Variants in TMBIM4 observed in about 807,000 individuals in gnomAD.
TMBIM4 encodes the protein transmembrane BAX inhibitor motif containing 4.
A neutral mutation model predicts 27.7 loss-of-function variants in TMBIM4; 28 were observed. That is an observed-to-expected ratio of 1.01 (90% CI 0.75 to 1.38). The LOEUF is 1.38. Ranked by LOEUF, TMBIM4 falls within the 40% of genes most tolerant of loss-of-function variation. TMBIM4 has a pLI of 0.00. For synonymous variants in TMBIM4, 115 were observed against 113.1 expected (o/e 1.02, Z -0.11); for missense variants, 265 against 277.5 (o/e 0.95, Z 0.32).
intron 1 of TMBIM4, among the ~76,000 whole-genome samples, chr12:66,161,991 G>A (rs1287155351): frequency 1.3e-5 from 2 of 151,922 alleles, no homozygotes; most frequent in Non-Finnish European, 2.9e-5. Flanking sequence ...GCTTCTCTAC[G>A]TTGCTGTCAA....
At chr12:66,164,439 C>T (rs2052093116) in intron 1 of TMBIM4, among the ~76,000 whole-genome samples, 1 of 152,146 alleles carries the variant, frequency 6.6e-6, no homozygotes, top group South Asian at 2.1e-4. Flanking sequence ...AGGAAGACAA[C>T]ATCAAGGTTG....
chr12:66,160,937 C>T (rs1192798016), intron 1 of TMBIM4, among the ~76,000 whole-genome samples: 5 of 151,370 alleles, frequency 3.3e-5, no homozygotes, highest in East Asian at 2.0e-4. Context: ...CGGGCAGAGG[C>T]GCTGCTCACT....
chr12:66,166,288 A>C (rs745936009), intron 1 of TMBIM4, among the ~76,000 whole-genome samples: 34 of 151,898 alleles, frequency 2.2e-4, no homozygotes, highest in Non-Finnish European at 4.9e-4. Context: ...AACATGACGA[A>C]ACCTGTCTCT....
chr12:66,164,813 A>G (rs2052098738), intron 1 of TMBIM4, among the ~76,000 whole-genome samples: 2 of 152,252 alleles, frequency 1.3e-5, no homozygotes, highest in Non-Finnish European at 2.9e-5. Flanking sequence ...CTCTGTTCAC[A>G]AACATGACCT....
At chr12:66,138,923 G>C in intron 5 of TMBIM4, 154 bp from the exon 6 acceptor site, 1 of 1,087,788 alleles carries the variant, frequency 9.2e-7, no homozygotes, top group East Asian at 3.4e-5. Context: ...TGAATATAAT[G>C]CCCATCTTGG....
chr12:66,149,415 A>G (rs796450561), intron 3 of TMBIM4, among the ~76,000 whole-genome samples: 12 of 146,434 alleles, frequency 8.2e-5, no homozygotes, highest in African/African-American at 2.7e-4. Context: ...ACTGCACTCC[A>G]GCCTGGGTGA....
At chr12:66,145,562 TTAA>T (rs2051737152) in intron 5 of TMBIM4, among the ~76,000 whole-genome samples, 1 of 152,088 alleles carries the variant, frequency 6.6e-6, no homozygotes, top group South Asian at 2.1e-4. Context: ...TTCCATAATG[TTAA>T]TAAAGCATAC....
At chr12:66,156,613 TTAAA>T (rs547687902) in intron 1 of TMBIM4, among the ~76,000 whole-genome samples, 30 of 152,208 alleles carry the variant, frequency 2.0e-4, no homozygotes, top group Non-Finnish European at 4.0e-4. Flanking sequence ...GTGACTCTGC[TTAAA>T]TACTTAAATA....
chr12:66,138,016 T>C lies in TMBIM4; in HGVS notation c.661A>G (p.Ile221Val). ...VLAAISLYLD[I>V]INLFLHLLRF... ...AACAGGTGCAGGAATAGATTGATGATATCCAAGTAGAGGCTGATGGCAGCT... is the reference window on the plus strand; with the variant it reads ...AACAGGTGCAGGAATAGATTGATGACATCCAAGTAGAGGCTGATGGCAGCT... The change falls in exon 7 of 7, where the codon ATC (isoleucine) becomes GTC (valine). Residue 221 changes from isoleucine (I) to valine (V), a missense_variant. By Grantham distance (29) the Ile-to-Val change is conservative. Coordinates refer to ENST00000358230, the MANE Select transcript of TMBIM4 (RefSeq NM_016056.4). 6.2e-7 allele frequency: 1 copy of C among 1,614,164 alleles called. No homozygotes were observed. The highest frequency in any genetic ancestry group is 8.5e-7 in the Non-Finnish European group (1 of 1,180,020).
chr12:66,158,579 G>C (rs1174884694), intron 1 of TMBIM4, among the ~76,000 whole-genome samples: 2 of 151,706 alleles, frequency 1.3e-5, no homozygotes, highest in East Asian at 3.9e-4. Context: ...GAGGGAGTCA[G>C]AGCTTGCAGT....
chr12:66,150,729 C>G (rs2051832405), intron 3 of TMBIM4, among the ~76,000 whole-genome samples: 1 of 152,084 alleles, frequency 6.6e-6, no homozygotes, highest in Admixed American at 6.5e-5. Flanking sequence ...TTCTTTCTGA[C>G]TCAGGAATCT....
At position 66,141,000 on chromosome 12, in the gene TMBIM4, G is replaced by GA. The variant is rs202036805; in HGVS notation, c.465-2232dup. 4.9e-3 allele frequency among the ~76,000 whole-genome samples: 741 copies of GA among 151,388 alleles called. 7 individuals are homozygous for GA. The highest frequency in any genetic ancestry group is 0.017 in the Middle Eastern group (5 of 292). On this transcript the variant is annotated intron_variant, in intron 5 of 6. Coordinates refer to ENST00000358230, the MANE Select transcript of TMBIM4 (RefSeq NM_016056.4). ...GACATCTTTAAAATACTGAAAGCAA[G>GA]AAAAAAAACCCAAAACCTAGAATCT...
At position 66,147,911 on chromosome 12, in the gene TMBIM4, C is replaced by T; in HGVS notation, c.343G>A (p.Val115Ile). 1.2e-6 allele frequency: 2 copies of T among 1,611,104 alleles called. No individual in the cohort carries two copies. The highest frequency in any genetic ancestry group is 2.2e-5 in the South Asian group (2 of 90,454). ...TLLEALTVAV[V>I]VTFYDVYIIL... ...TAGAAATGCAGTTACGGCTTACCAA[C>T]AACTGCCACAGTCAGAGCTTCCAAC... is the stretch of plus-strand genomic sequence containing the variant. The change falls in exon 4 of 7, where the codon GTT becomes ATT. Residue 115 changes from valine to isoleucine, a missense_variant. By Grantham distance (29) the Val-to-Ile change is conservative. Coordinates refer to ENST00000358230, the MANE Select transcript of TMBIM4 (RefSeq NM_016056.4).
rs2051599987 is a variant in TMBIM4, at chr12:66,137,767, C to T, written c.*193G>A. The T allele has an allele frequency of 7.4e-6, 4 of 543,084 alleles. No homozygotes were observed. Among genetic ancestry groups the T allele is most frequent in the South Asian group, 6.6e-5 (3 of 45,352 alleles). The allele number at this position is 543,084 out of a possible 1,614,324, so 33.6% of individuals were successfully genotyped here. A position where few individuals can be genotyped will look rare whatever the true frequency, so the allele number is the denominator to read the frequency against. On this transcript the variant is annotated 3_prime_UTR_variant, in exon 7 of 7. Transcript: ENST00000358230. ...AATCAAGGATTTAGAAATGAGGTAT[C>T]ATAAAGAATAGTAAGATTTTAAAGC...
At chr12:66,169,627 T>C (rs1056806413) in intron 1 of TMBIM4, 1 of 458,814 alleles carries the variant, frequency 2.2e-6, no homozygotes, top group Admixed American at 4.3e-5. Context: ...GCAAGCCTTC[T>C]GGGCCTGGCG....
intron 1 of TMBIM4, among the ~76,000 whole-genome samples, chr12:66,156,036 A>C (rs2051930114): frequency 6.6e-6 from 1 of 152,216 alleles, no homozygotes; most frequent in African/African-American, 2.4e-5. Flanking sequence ...GATATTCCAG[A>C]CCATAACTTT....
chr12:66,154,768 C>G, intron 1 of TMBIM4, among the ~76,000 whole-genome samples: 1 of 152,098 alleles, frequency 6.6e-6, no homozygotes, highest in East Asian at 1.9e-4. Context: ...AGCCAAATAT[C>G]AAGTTAAAAA....
intron 1 of TMBIM4, 107 bp downstream of exon 1, chr12:66,169,748 G>A: frequency 1.2e-6 from 1 of 863,962 alleles, no homozygotes; most frequent in Non-Finnish European, 1.7e-6. Flanking sequence ...AGCACTCCCT[G>A]TGAGTCCCAG....
At chr12:66,162,141 C>T (rs969753454) in intron 1 of TMBIM4, among the ~76,000 whole-genome samples, 1 of 151,962 alleles carries the variant, frequency 6.6e-6, no homozygotes, top group Non-Finnish European at 1.5e-5. Context: ...TTCCATGCCT[C>T]ATCACAAATT....
Sources: gnomAD v4.1 joint callset for allele counts (sites outside exome capture counted in the v4.1 genomes callset) on GRCh38, gnomAD v4.1.1 for gene constraint, MANE v1.5 for transcripts, NCBI Gene and HGNC (gene_info 2026-07-23, HGNC 2026-07-21) for gene names.